Variants in SEMA3D observed in about 807,000 individuals in gnomAD.
SEMA3D encodes the protein semaphorin 3D, also known as semaphorin-3D.
A neutral mutation model predicts 100.1 loss-of-function variants in SEMA3D; 84 were observed. That is an observed-to-expected ratio of 0.84 (90% confidence interval 0.70 to 1.01). The LOEUF (loss-of-function observed/expected upper bound fraction) is 1.01, where lower values mean the gene tolerates loss of function less well. Among genes scored for constraint, SEMA3D ranks in the 50% least tolerant of loss-of-function variants. SEMA3D has a pLI of 0.00. For synonymous variants in SEMA3D, 312 were observed against 320.7 expected (o/e 0.97, Z 0.29); for missense variants, 875 against 934.1 (o/e 0.94, Z 0.82).
At chr7:85,150,497 C>G (rs1002698792) in intron 2 of SEMA3D, among the ~76,000 whole-genome samples, 41 of 145,486 alleles carry the variant, frequency 2.8e-4, no homozygotes, top group Non-Finnish European at 5.9e-4. Flanking sequence ...TACACACACA[C>G]ACACACATAT....
At chr7:85,188,890 T>G (rs1791634340), upstream of SEMA3D, among the ~76,000 whole-genome samples, 1 of 152,212 alleles carries the variant, frequency 6.6e-6, no homozygotes, top group Non-Finnish European at 1.5e-5. Flanking sequence ...CTCTTTTCAC[T>G]TTATATTATA....
intron 1 of SEMA3D, among the ~76,000 whole-genome samples, chr7:85,170,677 A>C (rs533389187): frequency 2.0e-5 from 3 of 152,088 alleles, no homozygotes; most frequent in African/African-American, 7.2e-5. Flanking sequence ...AGCCCATATC[A>C]CATATGTGAA....
chr7:85,088,690 T>C (rs976631719), intron 4 of SEMA3D, among the ~76,000 whole-genome samples: 4 of 152,300 alleles, frequency 2.6e-5, no homozygotes, highest in African/African-American at 7.2e-5. Context: ...CTGGCCTAGA[T>C]AGAAATTGTT....
chr7:85,073,707 T>C (rs934828157), intron 5 of SEMA3D, among the ~76,000 whole-genome samples: 14 of 152,216 alleles, frequency 9.2e-5, no homozygotes, highest in Admixed American at 9.2e-4. Context: ...TCTCTACCTA[T>C]GTATTCAATT....
At chr7:85,199,964 ACT>A in the SEMA3D span, among the ~76,000 whole-genome samples, 2 of 151,744 alleles carry the variant, frequency 1.3e-5, no homozygotes, top group Non-Finnish European at 2.9e-5. Context: ...CCCTGCACAA[ACT>A]CTCTCTTTTT....
At chr7:85,083,948 C>T (rs1788142074) in intron 4 of SEMA3D, among the ~76,000 whole-genome samples, 1 of 151,238 alleles carries the variant, frequency 6.6e-6, no homozygotes, top group South Asian at 2.1e-4. Flanking sequence ...GAGATCGAGA[C>T]GATCCTGGCC....
intron 12 of SEMA3D, among the ~76,000 whole-genome samples, chr7:85,033,252 C>G (rs1584538021): frequency 6.6e-6 from 1 of 152,094 alleles, no homozygotes; most frequent in Non-Finnish European, 1.5e-5. Flanking sequence ...GTATGTTGAA[C>G]ATAATTTGGT....
chr7:85,105,146 T>G (rs1788875881), intron 3 of SEMA3D, among the ~76,000 whole-genome samples: 1 of 152,082 alleles, frequency 6.6e-6, no homozygotes, highest in African/African-American at 2.4e-5. Context: ...TAAAAACGTT[T>G]CTCTTTAAGC....
the SEMA3D span, among the ~76,000 whole-genome samples, chr7:85,231,683 T>C: frequency 2.8e-4 from 43 of 152,152 alleles, no homozygotes; most frequent in Admixed American, 1.8e-3. Flanking sequence ...ATCTCCTGAC[T>C]TTGTGATCCG....
chr7:85,091,185 G>A (rs934813217), intron 4 of SEMA3D, among the ~76,000 whole-genome samples: 1 of 145,180 alleles, frequency 6.9e-6, no homozygotes, highest in East Asian at 2.1e-4. Flanking sequence ...AAGGAAGGAA[G>A]GAAGAGAAGG....
At chr7:85,116,434 T>C (rs1468652817) in intron 3 of SEMA3D, among the ~76,000 whole-genome samples, 1 of 147,416 alleles carries the variant, frequency 6.8e-6, no homozygotes, top group Non-Finnish European at 1.5e-5. Context: ...TATATTTACA[T>C]ATGTATATAC....
intron 2 of SEMA3D, chr7:85,140,974 G>T: frequency 1.6e-6 from 1 of 615,020 alleles, no homozygotes; most frequent in Non-Finnish European, 2.0e-6. Context: ...ATACATAAAT[G>T]TATTTTACAA....
upstream of SEMA3D, among the ~76,000 whole-genome samples, chr7:85,189,590 C>T (rs932531541): frequency 2.6e-5 from 4 of 152,108 alleles, no homozygotes; most frequent in South Asian, 2.1e-4. Flanking sequence ...TCACTGAAAG[C>T]GATGTGTATA....
At chr7:85,107,462 C>T (rs972409099) in intron 3 of SEMA3D, among the ~76,000 whole-genome samples, 2 of 152,048 alleles carry the variant, frequency 1.3e-5, no homozygotes, top group Admixed American at 6.6e-5. Context: ...TGAGAAAATG[C>T]TTTCCATTTT....
intron 3 of SEMA3D, among the ~76,000 whole-genome samples, chr7:85,115,939 G>A (rs1408657114): frequency 6.6e-6 from 1 of 152,038 alleles, no homozygotes; most frequent in Non-Finnish European, 1.5e-5. Context: ...ATGTTTCCAA[G>A]CTTAAATTTT....
intron 2 of SEMA3D, among the ~76,000 whole-genome samples, chr7:85,138,373 C>T (rs1436541305): frequency 6.6e-6 from 1 of 151,918 alleles, no homozygotes; most frequent in Non-Finnish European, 1.5e-5. Flanking sequence ...ACTGCAACCT[C>T]TGCCTCCCCG....
chr7:85,192,434 TCTGA>T, the SEMA3D span, among the ~76,000 whole-genome samples: 2 of 152,072 alleles, frequency 1.3e-5, no homozygotes, highest in African/African-American at 4.8e-5. Flanking sequence ...ATATTTACCA[TCTGA>T]CTGTAATTCC....
intron 4 of SEMA3D, among the ~76,000 whole-genome samples, chr7:85,089,906 CA>C (rs1034560923): frequency 5.9e-5 from 9 of 151,488 alleles, no homozygotes; most frequent in African/African-American, 2.2e-4. Context: ...AACAAACAAA[CA>C]AAAAAACACC....
At chr7:85,239,563 TGA>T in the SEMA3D span, among the ~76,000 whole-genome samples, 1 of 152,190 alleles carries the variant, frequency 6.6e-6, no homozygotes, top group South Asian at 2.1e-4. Context: ...CAGAGACACC[TGA>T]GAGTCGACAT....
Sources: gnomAD v4.1 joint callset for allele counts (sites outside exome capture counted in the v4.1 genomes callset) on GRCh38, gnomAD v4.1.1 for gene constraint, MANE v1.5 for transcripts, NCBI Gene and HGNC (gene_info 2026-07-23, HGNC 2026-07-21) for gene names.